Variants in KCNG2 observed in about 807,000 individuals in gnomAD.
KCNG2 encodes the protein voltage-gated potassium channel regulatory subunit KCNG2.
In KCNG2, 7 loss-of-function variants were observed where a neutral mutation model predicts 12.3. The observed-to-expected ratio is 0.57, with a 90% confidence interval of 0.32 to 1.07. The LOEUF (loss-of-function observed/expected upper bound fraction) is 1.07. Ranked by LOEUF, KCNG2 falls within the 50% of genes least tolerant of loss-of-function variation. The pLI, the probability that KCNG2 is intolerant of heterozygous loss-of-function variation, is 0.04. For missense variants in KCNG2, 703 were observed against 726.0 expected, an observed-to-expected ratio of 0.97 and a Z score of 0.36; for synonymous variants, 414 against 351.4, an observed-to-expected ratio of 1.18 and a Z score of -1.99.
chr18:79,896,906 C>T (rs1980995985), intron 3 of KCNG2, among the ~76,000 whole-genome samples: 1 of 152,112 alleles, frequency 6.6e-6, no homozygotes, highest in Non-Finnish European at 1.5e-5. Context: ...ATGTGCTATC[C>T]CACTGCCTTA....
intron 2 of KCNG2, among the ~76,000 whole-genome samples, chr18:79,858,091 C>G (rs1317402998): frequency 6.6e-6 from 1 of 152,174 alleles, no homozygotes; most frequent in Non-Finnish European, 1.5e-5. Context: ...ACCTCTGACT[C>G]CCGGGTTCAA....
chr18:79,806,986 C>T (rs1461995619), intron 1 of KCNG2, among the ~76,000 whole-genome samples: 2 of 152,214 alleles, frequency 1.3e-5, no homozygotes, highest in Non-Finnish European at 2.9e-5. Flanking sequence ...CAGGGGCAAA[C>T]TTCCTCATCT....
chr18:79,885,463 C>T (rs1464840130), intron 3 of KCNG2, among the ~76,000 whole-genome samples: 4 of 152,210 alleles, frequency 2.6e-5, no homozygotes, highest in African/African-American at 7.2e-5. Context: ...CGGGCAGACC[C>T]GGTCCAGGTG....
At chr18:79,844,899 T>C (rs1308430913) in intron 1 of KCNG2, among the ~76,000 whole-genome samples, 1 of 152,212 alleles carries the variant, frequency 6.6e-6, no homozygotes, top group African/African-American at 2.4e-5. Context: ...AAGGATAAAT[T>C]GAATTTTATC....
At position 79,813,005 on chromosome 18, in the gene KCNG2, A is replaced by G. The variant is rs572519807; in HGVS notation, c.-115+14991A>G. On this transcript the variant is annotated intron_variant, in intron 1 of 3. Transcript: ENST00000316249. ...ACCTCATCTCTCCTAAAAATACAAA[A>G]TTAGCCGAGTGTGGTGGCGGGTGCC... is the stretch of plus-strand genomic sequence containing the variant. Among the ~76,000 whole-genome samples the G allele has an allele frequency of 5.9e-5, 9 of 151,832 alleles. No homozygotes were observed. In the East Asian group the frequency reaches 1.7e-3, roughly 29 times the overall value.
At chr18:79,856,657 C>T (rs890292933) in intron 2 of KCNG2, among the ~76,000 whole-genome samples, 6 of 152,142 alleles carry the variant, frequency 3.9e-5, no homozygotes, top group East Asian at 3.9e-4. Context: ...TTCCGAACCC[C>T]GCCTGGGACT....
intron 3 of KCNG2, among the ~76,000 whole-genome samples, chr18:79,887,985 A>G (rs1980594116): frequency 6.6e-6 from 1 of 152,178 alleles, no homozygotes; most frequent in Non-Finnish European, 1.5e-5. Flanking sequence ...AGCCTTGGAG[A>G]CAGATGGTGA....
intron 3 of KCNG2, among the ~76,000 whole-genome samples, chr18:79,876,449 C>A (rs1050614242): frequency 6.6e-6 from 1 of 152,230 alleles, no homozygotes; most frequent in Non-Finnish European, 1.5e-5. Context: ...GCTGCAGTTC[C>A]CGGGAAACAG....
chr18:79,867,598 G>GA (rs1375128586), intron 3 of KCNG2, among the ~76,000 whole-genome samples: 9 of 149,862 alleles, frequency 6.0e-5, no homozygotes, highest in Admixed American at 2.7e-4. Context: ...TCGTGTCTGG[G>GA]GGGGGACCGT....
At chr18:79,849,897 C>T (rs35861047) in intron 1 of KCNG2, among the ~76,000 whole-genome samples, 2,166 of 147,076 alleles carry the variant, frequency 0.015, 35 homozygotes, top group Admixed American at 0.027. Flanking sequence ...GGGAGGGAGG[C>T]GAGACCCCAC....
At position 79,871,168 on chromosome 18, in the gene KCNG2, G is replaced by A. The variant is rs115288399; in HGVS notation, c.624+6877G>A. 3.5e-3 allele frequency among the ~76,000 whole-genome samples: 527 copies of A among 152,342 alleles called. 1 individual carries two copies. Among genetic ancestry groups the A allele is most frequent in the African/African-American group, 0.011 (467 of 41,576 alleles). ...TTCGTGTCAGGCACAGGCCTCCGGGGTCCGCCGTGAGGGTGTTCTGTCCAC... is the reference window on the plus strand; with the variant it reads ...TTCGTGTCAGGCACAGGCCTCCGGGATCCGCCGTGAGGGTGTTCTGTCCAC... On this transcript the variant is annotated intron_variant, in intron 3 of 3. Transcript: ENST00000316249.
chr18:79,863,847 C>T lies in KCNG2; in HGVS notation c.180C>T (p.Asp60=). Residue 60 remains aspartate, a synonymous_variant, in exon 3 of 4, where the codon GAC becomes GAT. Coordinates refer to ENST00000316249, the MANE Select transcript of KCNG2 (RefSeq NM_012283.2). ...ACGACGACCTGCTGCGCGTGTGTGA[C>T]GACTACGACGTGAGCCGCGACGAGT... ...RGHDDLLRVC[D]DYDVSRDEFF... 1 of 1,460,344 alleles carries T rather than the reference C, an allele frequency of 6.8e-7. No homozygotes were observed. The highest frequency in any genetic ancestry group is 9.1e-7 in the Non-Finnish European group (1 of 1,102,874). The allele number at this position is 1,460,344 out of a possible 1,614,324, so 90.5% of individuals were successfully genotyped here. A position where few individuals can be genotyped will look rare whatever the true frequency, so the allele number is the denominator to read the frequency against.
chr18:79,864,073 G>A lies in KCNG2; in HGVS notation c.406G>A (p.Gly136Arg). Residue 136 changes from glycine (G) to arginine (R), a missense_variant, in exon 3 of 4, where the codon GGG becomes AGG. Physicochemically the swap from Gly to Arg is moderately radical, Grantham distance 125. Coordinates refer to ENST00000316249, the MANE Select transcript of KCNG2 (RefSeq NM_012283.2). ...REEEAAEARA[G>R]PTERGAQGSP... ...GGAGGAGGCGGCCGAGGCCCGCGCG[G>A]GGCCGACGGAGCGCGGGGCGCAGGG... 1 of 1,072,752 alleles carries A rather than the reference G, an allele frequency of 9.3e-7. No homozygotes were observed. The highest frequency in any genetic ancestry group is 1.1e-6 in the Non-Finnish European group (1 of 887,640). The allele number at this position is 1,072,752 out of a possible 1,614,324, so 66.5% of individuals were successfully genotyped here. A position where few individuals can be genotyped will look rare whatever the true frequency, so the allele number is the denominator to read the frequency against.
chr18:79,888,356 G>T (rs1980609648), intron 3 of KCNG2, among the ~76,000 whole-genome samples: 1 of 152,180 alleles, frequency 6.6e-6, no homozygotes, highest in African/African-American at 2.4e-5. Context: ...CTGCAGGGGG[G>T]CTGGGACAGC....
At chr18:79,829,929 A>G (rs1015357739) in intron 1 of KCNG2, among the ~76,000 whole-genome samples, 4 of 152,222 alleles carry the variant, frequency 2.6e-5, no homozygotes, top group Admixed American at 2.6e-4. Flanking sequence ...CGAAGCTATT[A>G]TGTTTTCATT....
At chr18:79,883,507 G>T (rs189951521) in intron 3 of KCNG2, among the ~76,000 whole-genome samples, 1 of 152,342 alleles carries the variant, frequency 6.6e-6, no homozygotes, top group Admixed American at 6.5e-5. Context: ...AAATATATTA[G>T]TGCAGAGTTT....
chr18:79,806,761 G>A (rs1568241137), intron 1 of KCNG2, among the ~76,000 whole-genome samples: 1 of 152,222 alleles, frequency 6.6e-6, no homozygotes, highest in East Asian at 1.9e-4. Context: ...GACTGTAATG[G>A]TGACGCTTTC....
chr18:79,841,394 A>G (rs1410643428), intron 1 of KCNG2, among the ~76,000 whole-genome samples: 1 of 152,226 alleles, frequency 6.6e-6, no homozygotes, highest in Non-Finnish European at 1.5e-5. Flanking sequence ...TAAAAGAAAA[A>G]AAGGATAAAT....
chr18:79,849,937 C>G (rs1417758504), intron 1 of KCNG2, among the ~76,000 whole-genome samples: 1 of 151,752 alleles, frequency 6.6e-6, no homozygotes, highest in African/African-American at 2.4e-5. Context: ...GAGACCCCAC[C>G]CAGGCTCAGT....
Sources: gnomAD v4.1 joint callset for allele counts (sites outside exome capture counted in the v4.1 genomes callset) on GRCh38, gnomAD v4.1.1 for gene constraint, MANE v1.5 for transcripts, NCBI Gene and HGNC (gene_info 2026-07-23, HGNC 2026-07-21) for gene names.